TNS2: variants seen among roughly 807,000 people sequenced by gnomAD.
The protein encoded by TNS2 is tensin 2.
In TNS2, 77 loss-of-function variants were observed where a neutral mutation model predicts 155.7. The ratio of observed to expected loss-of-function variants is 0.49; its 90% CI spans 0.41 to 0.60. The LOEUF is 0.60. TNS2 is among the 20% of genes least tolerant of loss of function. The pLI, the probability that TNS2 is intolerant of heterozygous loss-of-function variation, is 0.00. For missense variants in TNS2, 1,703 were observed against 1,868.8 expected (o/e 0.91, Z 1.64); for synonymous variants, 726 against 763.9 (o/e 0.95, Z 0.82).
chr12:53,057,957 C>A, intron 13 of TNS2, 70 bp from the exon 14 acceptor site: 2 of 1,610,166 alleles, frequency 1.2e-6, no homozygotes, highest in East Asian at 2.2e-5. Flanking sequence ...CCTGGCTCCC[C>A]CTGACTGCAT....
Position 53,050,797 on chromosome 12 carries a change from G to A in TNS2, c.75+537G>A, listed in dbSNP as rs2121057616. ...TTGATCCAGCCCAGAAGAGTTGCAG[G>A]GACAGTCAAGAAACCAGAGGTGCTG... On this transcript the variant is annotated intron_variant, in intron 1 of 28. Transcript: ENST00000314250. The surrounding 1 kb of genome is among the most constrained non-coding windows in gnomAD (Gnocchi z 4.7). Among the ~76,000 whole-genome samples the A allele has an allele frequency of 6.6e-6, 1 of 152,272 alleles. No individual in the cohort carries two copies. Among genetic ancestry groups the A allele is most frequent in the East Asian group, 1.9e-4 (1 of 5,176 alleles).
chr12:53,061,306 C>A (rs1944376797), intron 20 of TNS2, 42 bp downstream of exon 20: 2 of 1,607,776 alleles, frequency 1.2e-6, no homozygotes, highest in Non-Finnish European at 1.7e-6. Context: ...TTGAGAGAAC[C>A]CTTTCTCCTG....
rs1944218222 is a variant in TNS2 at position 53,057,929 on chromosome 12, G to A, written c.1019+96G>A. On this transcript the variant is annotated intron_variant, in intron 13 of 28. Transcript: ENST00000314250. The stretch of plus-strand genomic sequence containing the variant: ...TCCAGCCTCCCTAGACACCTGGGCA[G>A]GGCTCAGACTCTGGTCTCCTGGCTC... 2.1e-5 allele frequency: 33 copies of A among 1,608,246 alleles called. No individual in the cohort carries two copies. In the South Asian group the frequency reaches 3.6e-4, roughly 18 times the overall value.
Position 53,062,248 on chromosome 12 carries a change from GAGA to G in TNS2, c.3667+6_3667+8del, listed in dbSNP as rs1258508051. On this transcript the variant is annotated splice_donor_5th_base_variant and intron_variant, in intron 23 of 28. Coordinates refer to ENST00000314250, the MANE Select transcript of TNS2 (RefSeq NM_170754.4). ...CTGCCCCAGTGAGCCCTACTTTGGT[GAGA>G]AGCAGGAGCCTGGGGAAGGCTACGT... The G allele has an allele frequency of 1.9e-6, 3 of 1,613,924 alleles. No homozygotes were observed. Among genetic ancestry groups the G allele is most frequent in the East Asian group, 4.5e-5 (2 of 44,868 alleles).
intron 7 of TNS2, 80 bp downstream of exon 7, chr12:53,054,521 C>T: frequency 2.8e-6 from 4 of 1,423,384 alleles, no homozygotes; most frequent in Non-Finnish European, 3.7e-6. Flanking sequence ...CTGACGTCAC[C>T]AGCGGAGGCG....
chr12:53,053,752 T>C, intron 4 of TNS2, 22 bp from the exon 5 acceptor site: 3 of 1,609,776 alleles, frequency 1.9e-6, no homozygotes, highest in Non-Finnish European at 2.5e-6. Context: ...CCACTCCCTT[T>C]TCCTCCCCCA....
chr12:53,057,717 C>T (rs375447939), intron 12 of TNS2, 38 bp downstream of exon 12: 22 of 1,613,748 alleles, frequency 1.4e-5, no homozygotes, highest in Non-Finnish European at 1.8e-5. Flanking sequence ...GGGAGAACCA[C>T]CTTCAGGCCC....
chr12:53,063,122 C>G lies in TNS2; in HGVS notation c.3857C>G (p.Thr1286Arg). 6.3e-7 allele frequency: 1 copy of G among 1,586,582 alleles called. No individual in the cohort carries two copies. The highest frequency in any genetic ancestry group is 8.6e-7 in the Non-Finnish European group (1 of 1,167,494). ...GTGCTCTACTTGACCTCAGTGGAGACAGAGTCACTGACGGGCCCCCAAGCT... is the reference window on the plus strand; with the variant it reads ...GTGCTCTACTTGACCTCAGTGGAGAGAGAGTCACTGACGGGCCCCCAAGCT... ...CSVLYLTSVE[T>R]ESLTGPQAVA... Residue 1286 changes from threonine to arginine, a missense_variant, in exon 26 of 29, where the codon ACA becomes AGA. Coordinates refer to ENST00000314250, the MANE Select transcript of TNS2 (RefSeq NM_170754.4). The surrounding 1 kb of genome is among the most constrained non-coding windows in gnomAD (Gnocchi z 5.6).
upstream of TNS2, chr12:53,049,376 G>C (rs1452607533): frequency 2.7e-6 from 2 of 751,264 alleles, no homozygotes; most frequent in South Asian, 3.6e-5. Flanking sequence ...CAGGGAATGG[G>C]TGAGTGGGGG....
Position 53,050,957 on chromosome 12 carries a change from A to C in TNS2, c.75+697A>C, listed in dbSNP as rs1429532327. On this transcript the variant is annotated intron_variant, in intron 1 of 28. Coordinates refer to ENST00000314250, the MANE Select transcript of TNS2 (RefSeq NM_170754.4). This position sits in a 1 kb window ranked among gnomAD's most constrained non-coding sequence, Gnocchi z 4.7. ...GAGTCTGAACTCCAGAGGAGGGGGA[A>C]TATGGGTAAAACAGAGAGATGGCAA... 6.6e-6 allele frequency among the ~76,000 whole-genome samples: 1 copy of C among 152,012 alleles called. No homozygotes were observed. Among genetic ancestry groups the C allele is most frequent in the Non-Finnish European group, 1.5e-5 (1 of 67,988 alleles).
chr12:53,060,770 G>C lies in TNS2; in HGVS notation c.2864G>C (p.Gly955Ala). Residue 955 changes from glycine (G) to alanine (A), a missense_variant, in exon 20 of 29, where the codon GGA (glycine) becomes GCA (alanine). By Grantham distance (60) the Gly-to-Ala change is moderately conservative. Coordinates refer to ENST00000314250, the MANE Select transcript of TNS2 (RefSeq NM_170754.4). This position sits in a 1 kb window ranked among gnomAD's most constrained non-coding sequence, Gnocchi z 6.1. ...ALPPVSQAGT[G>A]KAPELPSGSG... ...CCCCCTGTTTCCCAGGCAGGCACCG[G>C]AAAGGCCCCTGAGCTGCCGTCGGGA... 1 of 1,612,178 alleles carries C rather than the reference G, an allele frequency of 6.2e-7. No individual in the cohort carries two copies. Among genetic ancestry groups the C allele is most frequent in the South Asian group, 1.1e-5 (1 of 90,982 alleles).
Position 53,058,106 on chromosome 12 carries a change from A to AG in TNS2, c.1095+10dup, listed in dbSNP as rs551067468. Reference sequence around the variant, plus strand: ...CCTCCTCAAAGGCGATGTCATGGTGAGGGGGGTCCTGTCAACAAGAAGAAT... The same window carrying AG: ...CCTCCTCAAAGGCGATGTCATGGTGAGGGGGGGTCCTGTCAACAAGAAGAAT... On this transcript the variant is annotated splice_donor_region_variant and intron_variant, in intron 14 of 28. Transcript: ENST00000314250. The AG allele has an allele frequency of 1.2e-4, 191 of 1,614,106 alleles. No individual in the cohort carries two copies. In the African/African-American group the frequency reaches 2.1e-3, roughly 18 times the overall value.
Position 53,059,758 on chromosome 12 carries a change from G to A in TNS2, c.2117G>A (p.Gly706Glu), listed in dbSNP as rs550972867. The A allele has an allele frequency of 1.4e-5, 22 of 1,612,688 alleles. 1 individual carries two copies. The African/African-American group carries it at 1.7e-4, about 13-fold the overall frequency. The change falls in exon 18 of 29, where the codon GGA becomes GAA. Residue 706 changes from glycine to glutamate, a missense_variant. Physicochemically the swap from Gly to Glu is moderately conservative, Grantham distance 98. Transcript: ENST00000314250. The surrounding 1 kb of genome is among the most constrained non-coding windows in gnomAD (Gnocchi z 4.7). ...GCGCTGCCTACAGCAGCCTTGTATG[G>A]ACTGCGGCTGGAGAGGGAGGCTGGA... ...KLALPTAALY[G>E]LRLEREAGEG...
In TNS2 at chr12:53,063,977, G is replaced by A; in HGVS notation, c.*95G>A. 7.1e-7 allele frequency: 1 copy of A among 1,404,228 alleles called. No individual in the cohort carries two copies. The highest frequency in any genetic ancestry group is 9.7e-7 in the Non-Finnish European group (1 of 1,026,884). 87.0% of individuals were successfully genotyped at this position (1,404,228 alleles called of 1,614,324 possible). A position where few individuals can be genotyped will look rare whatever the true frequency, so the allele number is the denominator to read the frequency against. ...CCTGGCCTGGACCCAGGAGACCCAG[G>A]AGAAAGCACCCTCCCTTAGGAATGA... On this transcript the variant is annotated 3_prime_UTR_variant, in exon 29 of 29. Transcript: ENST00000314250. This position sits in a 1 kb window ranked among gnomAD's most constrained non-coding sequence, Gnocchi z 5.6.
chr12:53,060,314 G>T lies in TNS2; in HGVS notation c.2617+56G>T, dbSNP rs1015507847. On this transcript the variant is annotated intron_variant, in intron 18 of 28. Transcript: ENST00000314250. The surrounding 1 kb of genome is among the most constrained non-coding windows in gnomAD (Gnocchi z 6.1). ...GGCAGAGGAGGTTCTGGAAGATGGT[G>T]GGGAAGTCAAGGGGGAACAGGGTGA... 5 of 1,554,478 alleles carry T rather than the reference G, an allele frequency of 3.2e-6. No homozygotes were observed. In the African/African-American group the frequency reaches 5.4e-5, roughly 17 times the overall value.
At chr12:53,049,004 T>G (rs1441874723), upstream of TNS2, 1 of 582,084 alleles carries the variant, frequency 1.7e-6, no homozygotes, top group Admixed American at 3.8e-5. Flanking sequence ...GTCCACAGCT[T>G]GGGGCTGAAG....
upstream of TNS2, chr12:53,047,167 G>C (rs1212400106): frequency 1.3e-5 from 1 of 78,994 alleles, no homozygotes; most frequent in Non-Finnish European, 3.2e-5. Context: ...GAGGAGGAGC[G>C]GGCTGCCACG....
rs555791096 is a variant in TNS2 at position 53,050,892 on chromosome 12, G to A, written c.75+632G>A. The stretch of plus-strand genomic sequence containing the variant: ...CAAAAGCAGCAGCTCAGGACAACCT[G>A]AGATACTACTGTGATGGGTCCCCGG... On this transcript the variant is annotated intron_variant, in intron 1 of 28. Coordinates refer to ENST00000314250, the MANE Select transcript of TNS2 (RefSeq NM_170754.4). This position sits in a 1 kb window ranked among gnomAD's most constrained non-coding sequence, Gnocchi z 4.7. Among the ~76,000 whole-genome samples, 1 of 152,308 alleles carries A rather than the reference G, an allele frequency of 6.6e-6. No homozygotes were observed. Among genetic ancestry groups the A allele is most frequent in the South Asian group, 2.1e-4 (1 of 4,824 alleles).
intron 4 of TNS2, 106 bp from the exon 5 acceptor site, chr12:53,053,668 C>G (rs144070126): frequency 1.3e-6 from 2 of 1,526,042 alleles, no homozygotes; most frequent in East Asian, 4.6e-5. Flanking sequence ...TCCAGTACAG[C>G]CTTCAAAAGG....
Sources: gnomAD v4.1 joint callset for allele counts (sites outside exome capture counted in the v4.1 genomes callset) on GRCh38, gnomAD v4.1.1 for gene constraint, Gnocchi (gnomAD v3.1) non-coding constraint, MANE v1.5 for transcripts, NCBI Gene and HGNC (gene_info 2026-07-23, HGNC 2026-07-21) for gene names.